The following PCDH9 variants were observed in gnomAD, a reference collection of about 807,000 sequenced individuals.
PCDH9 encodes protocadherin 9.
A neutral mutation model predicts 70.6 loss-of-function variants in PCDH9; 24 were observed. The ratio of observed to expected loss-of-function variants is 0.34; its 90% confidence interval spans 0.25 to 0.48. The LOEUF (loss-of-function observed/expected upper bound fraction) is 0.48. Among genes scored for constraint, PCDH9 ranks in the 20% least tolerant of loss-of-function variants. The pLI is 0.99. For missense variants in PCDH9, 1,281 were observed against 1,503.6 expected (o/e 0.85, Z 2.45); for synonymous variants, 562 against 558.5 (o/e 1.01, Z -0.09).
At chr13:66,594,947 C>T (rs768687500) in intron 4 of PCDH9, among the ~76,000 whole-genome samples, 7 of 149,694 alleles carry the variant, frequency 4.7e-5, no homozygotes, top group East Asian at 2.0e-4. Flanking sequence ...TTGAAAGTAA[C>T]GGAAGAGCTA....
At chr13:66,334,654 T>C (rs2138127549) in intron 4 of PCDH9, among the ~76,000 whole-genome samples, 1 of 152,012 alleles carries the variant, frequency 6.6e-6, no homozygotes, top group African/African-American at 2.4e-5. Context: ...TTACAATAAG[T>C]ATGTCTTTAC....
chr13:66,692,232 T>C (rs2078498136), intron 3 of PCDH9, among the ~76,000 whole-genome samples: 1 of 152,132 alleles, frequency 6.6e-6, no homozygotes, highest in Non-Finnish European at 1.5e-5. Flanking sequence ...AGCTTTATCA[T>C]CAATGTAAGT....
At chr13:66,310,234 G>A (rs993201987) in intron 4 of PCDH9, among the ~76,000 whole-genome samples, 1 of 151,928 alleles carries the variant, frequency 6.6e-6, no homozygotes, top group African/African-American at 2.4e-5. Context: ...CTGGAAAGTT[G>A]TTTCAGTTAA....
intron 2 of PCDH9, among the ~76,000 whole-genome samples, chr13:67,167,060 A>T (rs2088138173): frequency 6.6e-6 from 1 of 152,200 alleles, no homozygotes; most frequent in Non-Finnish European, 1.5e-5. Context: ...TTTTATAAGA[A>T]TTCATTATGA....
At chr13:67,058,124 A>G (rs968329150) in intron 2 of PCDH9, among the ~76,000 whole-genome samples, 6 of 152,132 alleles carry the variant, frequency 3.9e-5, no homozygotes, top group South Asian at 2.1e-4. Flanking sequence ...ATTGTAAAAG[A>G]ATGTTTGCTA....
In PCDH9 at chr13:67,226,304, G is replaced by A. The variant is rs951519336; in HGVS notation, c.2137C>T (p.Leu713=). ...VDVDTGMNAE[L]KYTIVSGNNK... ...TTTCCACTCACTATAGTATACTTTAGTTCAGCGTTCATTCCAGTGTCAACA... is the reference window on the plus strand; with the variant it reads ...TTTCCACTCACTATAGTATACTTTAATTCAGCGTTCATTCCAGTGTCAACA... Residue 713 remains leucine, a synonymous_variant, in exon 2 of 5, where the codon CTA becomes TTA. Transcript: ENST00000377865. This position sits in a 1 kb window ranked among gnomAD's most constrained non-coding sequence, Gnocchi z 5.0. The A allele has an allele frequency of 3.1e-6, 5 of 1,614,082 alleles. No homozygotes were observed. The highest frequency in any genetic ancestry group is 1.7e-5 in the Admixed American group (1 of 60,008).
Position 67,227,593 on chromosome 13 carries a change from C to T in PCDH9, c.848G>A (p.Ser283Asn), listed in dbSNP as rs928149918. The change falls in exon 2 of 5, where the codon AGT becomes AAT. Residue 283 changes from serine to asparagine, a missense_variant. This residue lies in a region of PCDH9 where 798 missense variants were observed against 1,003.1 expected (regional missense o/e 0.80). Transcript: ENST00000377865. The surrounding 1 kb of genome is among the most constrained non-coding windows in gnomAD (Gnocchi z 4.6). Reference protein sequence around the residue: ...QLHATDADIGSNAEIRYIFGA... With the variant: ...QLHATDADIGNNAEIRYIFGA... Reference sequence around the variant, plus strand: ...AAAAATGTACCGGATTTCAGCATTACTGCCTATATCTGCATCAGTGGCATG... The same window carrying T: ...AAAAATGTACCGGATTTCAGCATTATTGCCTATATCTGCATCAGTGGCATG... 5 of 1,614,006 alleles carry T rather than the reference C, an allele frequency of 3.1e-6. No individual in the cohort carries two copies. In the African/African-American group the frequency reaches 6.7e-5, roughly 22 times the overall value.
At chr13:66,617,601 G>T (rs563632105) in intron 4 of PCDH9, among the ~76,000 whole-genome samples, 1 of 152,056 alleles carries the variant, frequency 6.6e-6, no homozygotes, top group Non-Finnish European at 1.5e-5. Flanking sequence ...CCAACATGCC[G>T]GCAAAACAGT....
chr13:66,997,002 G>A (rs2084130773), intron 2 of PCDH9, among the ~76,000 whole-genome samples: 1 of 152,144 alleles, frequency 6.6e-6, no homozygotes, highest in African/African-American at 2.4e-5. Flanking sequence ...AAATGTGGGA[G>A]GTGATTATTA....
At position 66,620,570 on chromosome 13, in the gene PCDH9, TATTG is replaced by T. The variant is rs371327743; in HGVS notation, c.3340+10636_3340+10639del. Among the ~76,000 whole-genome samples, 189 of 152,306 alleles carry T rather than the reference TATTG, an allele frequency of 1.2e-3. 3 individuals carry two copies. The highest frequency in any genetic ancestry group is 4.4e-3 in the African/African-American group (184 of 41,564). On this transcript the variant is annotated intron_variant, in intron 4 of 4. Transcript: ENST00000377865. ...AGTATCACTTTATCTATAGAATCTT[TATTG>T]ATTCTTTATCCAAGGCTTATTCTAT...
rs180823124 is a variant in PCDH9, at chr13:66,358,724, T to C, written c.3341-53696A>G. ...AAAATAAGTGTATTGTTTATTTCCA[T>C]CTCCAACCTAACCATTAGACCATTA... On this transcript the variant is annotated intron_variant, in intron 4 of 4. Transcript: ENST00000377865. 6.6e-5 allele frequency among the ~76,000 whole-genome samples: 10 copies of C among 152,068 alleles called. No individual in the cohort carries two copies. The East Asian group carries it at 1.9e-3, about 29-fold the overall frequency.
Position 66,504,340 on chromosome 13 carries a change from G to A in PCDH9, c.3340+126870C>T, listed in dbSNP as rs542853244. Among the ~76,000 whole-genome samples, 9 of 152,242 alleles carry A rather than the reference G, an allele frequency of 5.9e-5. No individual in the cohort carries two copies. In the South Asian group the frequency reaches 1.7e-3, roughly 28 times the overall value. ...TATTTATTCAATCCTTCTATGGTCT[G>A]ATGACAATATTTCTTTCAGTTTCTC... On this transcript the variant is annotated intron_variant, in intron 4 of 4. Transcript: ENST00000377865.
At chr13:66,749,843 C>T (rs1207902677) in intron 3 of PCDH9, among the ~76,000 whole-genome samples, 1 of 152,138 alleles carries the variant, frequency 6.6e-6, no homozygotes, top group Non-Finnish European at 1.5e-5. Flanking sequence ...AGACTTGACA[C>T]TGCTCCATCC....
chr13:66,879,198 T>A (rs555828589), intron 3 of PCDH9, among the ~76,000 whole-genome samples: 1 of 152,196 alleles, frequency 6.6e-6, no homozygotes, highest in Non-Finnish European at 1.5e-5. Context: ...TATGCACAAT[T>A]ATTAATTATA....
rs111665997 is a variant in PCDH9 at position 66,671,116 on chromosome 13, C to T, written c.3139-39705G>A. Among the ~76,000 whole-genome samples, 1,520 of 152,116 alleles carry T rather than the reference C, an allele frequency of 1.0e-2. 5 individuals carry two copies. Among genetic ancestry groups the T allele is most frequent in the Non-Finnish European group, 0.014 (985 of 67,980 alleles). ...TTTGATGGTTTTATAAAGGGCAGTTCCCCTCTACATGCTCTCTTGCCAGCT... is the reference window on the plus strand; with the variant it reads ...TTTGATGGTTTTATAAAGGGCAGTTTCCCTCTACATGCTCTCTTGCCAGCT... On this transcript the variant is annotated intron_variant, in intron 3 of 4. Transcript: ENST00000377865.
intron 3 of PCDH9, among the ~76,000 whole-genome samples, chr13:66,794,252 A>G (rs185892634): frequency 3.3e-5 from 5 of 152,054 alleles, no homozygotes; most frequent in African/African-American, 9.7e-5. Context: ...AGGAAGGAAG[A>G]AAGGCAAGAA....
In PCDH9 at chr13:66,722,605, T is replaced by C. The variant is rs891671966; in HGVS notation, c.3139-91194A>G. ...TCCTGTCTGAGTGTCTGCTGATCTT[T>C]TGAATGTGTGATTAGTGGGGTAGCC... On this transcript the variant is annotated intron_variant, in intron 3 of 4. Transcript: ENST00000377865. Among the ~76,000 whole-genome samples the C allele has an allele frequency of 2.0e-5, 3 of 152,172 alleles. No individual in the cohort carries two copies. The East Asian group carries it at 5.8e-4, about 29-fold the overall frequency.
intron 2 of PCDH9, among the ~76,000 whole-genome samples, chr13:66,936,968 T>G (rs538757156): frequency 6.6e-6 from 1 of 152,338 alleles, no homozygotes; most frequent in African/African-American, 2.4e-5. Context: ...GGCGCATAAT[T>G]TGGAAAGGCA....
chr13:66,995,951 A>G (rs1308902672), intron 2 of PCDH9, among the ~76,000 whole-genome samples: 1 of 152,116 alleles, frequency 6.6e-6, no homozygotes, highest in East Asian at 1.9e-4. Context: ...GAATTATTGT[A>G]TTAACTTCAT....
Sources: gnomAD v4.1 joint callset for allele counts (sites outside exome capture counted in the v4.1 genomes callset) on GRCh38, gnomAD v4.1.1 for gene constraint, gnomAD v4.1.1 regional missense constraint, Gnocchi (gnomAD v3.1) non-coding constraint, MANE v1.5 for transcripts, NCBI Gene and HGNC (gene_info 2026-07-23, HGNC 2026-07-21) for gene names.